The following GNAI1 variants were observed in gnomAD, a reference collection of about 807,000 sequenced individuals.
GNAI1 encodes guanine nucleotide-binding protein G(i) subunit alpha-1.
In GNAI1, 11 loss-of-function variants were observed where a neutral mutation model predicts 38.9. The ratio of observed to expected loss-of-function variants is 0.28; its 90% CI spans 0.18 to 0.47. The LOEUF is 0.47. Among genes scored for constraint, GNAI1 ranks in the 20% least tolerant of loss-of-function variants. The probability of loss-of-function intolerance (pLI) is 0.99; values close to 1 mark genes in which losing one functional copy is unlikely to be tolerated. For synonymous variants in GNAI1, 166 were observed against 145.1 expected (o/e 1.14, Z -1.04); for missense variants, 317 against 436.9 (o/e 0.73, Z 2.45).
intron 1 of GNAI1, among the ~76,000 whole-genome samples, chr7:80,144,173 A>C (rs998741496): frequency 1.3e-5 from 2 of 151,280 alleles, no homozygotes; most frequent in African/African-American, 2.4e-5. Context: ...TATAGCAGTA[A>C]TTTTCTCTTC....
chr7:80,200,480 T>C (rs1788666512), intron 4 of GNAI1, among the ~76,000 whole-genome samples: 1 of 152,100 alleles, frequency 6.6e-6, no homozygotes. Flanking sequence ...TGTTGTGCAT[T>C]TGTTTTACTT....
At chr7:80,214,540 G>C (rs954304625) in intron 7 of GNAI1, among the ~76,000 whole-genome samples, 6 of 152,156 alleles carry the variant, frequency 3.9e-5, no homozygotes, top group Admixed American at 3.9e-4. Flanking sequence ...TTTTGCTTAA[G>C]TTAATAAGAA....
intron 1 of GNAI1, chr7:80,187,209 T>TTGTG (rs369416678): frequency 0.055 from 5,083 of 92,634 alleles, 96 homozygotes; most frequent in East Asian, 0.12. Flanking sequence ...GTGTGTGTCT[T>TTGTG]TGTGTGTGTG....
chr7:80,135,192 C>T lies in GNAI1; in HGVS notation c.32C>T (p.Ala11Val), dbSNP rs1340678679. ...TGCACGCTGAGCGCCGAGGACAAGG[C>T]GGCGGTGGAGCGGAGTAAGATGATC... MGCTLSAEDK[A>V]AVERSKMIDR... Residue 11 changes from alanine (A) to valine (V), a missense_variant, in exon 1 of 8, where the codon GCG becomes GTG. Physicochemically the swap from Ala to Val is moderately conservative, Grantham distance 64 (BLOSUM62 0). This residue lies in a region of GNAI1 where 37 missense variants were observed against 26.2 expected (regional missense o/e 1.41). Coordinates refer to ENST00000649796, the MANE Select transcript of GNAI1 (RefSeq NM_002069.6). 6.4e-7 allele frequency: 1 copy of T among 1,552,250 alleles called. No homozygotes were observed. The highest frequency in any genetic ancestry group is 1.4e-5 in the African/African-American group (1 of 70,520).
chr7:80,144,310 A>C (rs1584004038), intron 1 of GNAI1, among the ~76,000 whole-genome samples: 1 of 151,646 alleles, frequency 6.6e-6, no homozygotes, highest in East Asian at 1.9e-4. Context: ...GCCATTTCTC[A>C]GAGGAGTTTG....
At chr7:80,147,796 C>T (rs547324953) in intron 1 of GNAI1, among the ~76,000 whole-genome samples, 32 of 152,270 alleles carry the variant, frequency 2.1e-4, no homozygotes, top group African/African-American at 7.5e-4. Context: ...TGTTCTATAG[C>T]TTCTACTTTC....
chr7:80,178,376 G>A (rs763920537), intron 1 of GNAI1, among the ~76,000 whole-genome samples: 11 of 152,022 alleles, frequency 7.2e-5, no homozygotes, highest in Admixed American at 2.0e-4. Context: ...GTTCTGCTGC[G>A]GGTAAAGTGT....
chr7:80,215,169 C>T (rs1023106437), intron 7 of GNAI1, among the ~76,000 whole-genome samples: 1 of 152,182 alleles, frequency 6.6e-6, no homozygotes, highest in Non-Finnish European at 1.5e-5. Flanking sequence ...AACAATCTAT[C>T]ATATTTGCTC....
chr7:80,196,831 C>A (rs1562839704), intron 3 of GNAI1, among the ~76,000 whole-genome samples: 1 of 151,720 alleles, frequency 6.6e-6, no homozygotes, highest in Non-Finnish European at 1.5e-5. Context: ...AGCTTTACAA[C>A]TTGATGTTAT....
chr7:80,146,483 A>T (rs545139754), intron 1 of GNAI1, among the ~76,000 whole-genome samples: 33 of 152,270 alleles, frequency 2.2e-4, no homozygotes, highest in African/African-American at 7.2e-4. Context: ...TTTTTTTCCC[A>T]CAATTATTCC....
intron 1 of GNAI1, among the ~76,000 whole-genome samples, chr7:80,153,065 C>T (rs763053820): frequency 3.0e-4 from 46 of 152,100 alleles, no homozygotes; most frequent in Admixed American, 1.4e-3. Flanking sequence ...TTTTTAACAT[C>T]ATTACTTTCC....
intron 7 of GNAI1, among the ~76,000 whole-genome samples, chr7:80,213,284 T>C (rs1476587675): frequency 6.6e-6 from 1 of 152,028 alleles, no homozygotes; most frequent in African/African-American, 2.4e-5. Context: ...AACATTATAG[T>C]AAGGGGAAAT....
intron 1 of GNAI1, among the ~76,000 whole-genome samples, chr7:80,181,163 A>G (rs1788287068): frequency 6.6e-6 from 1 of 152,020 alleles, no homozygotes; most frequent in African/African-American, 2.4e-5. Context: ...TTGCTGGTTT[A>G]TCTATAAGCA....
intron 5 of GNAI1, among the ~76,000 whole-genome samples, chr7:80,204,878 AGAC>A (rs1788746698): frequency 6.6e-6 from 1 of 152,186 alleles, no homozygotes; most frequent in South Asian, 2.1e-4. Context: ...GTATTTTCAT[AGAC>A]ATCTAAGACC....
At chr7:80,146,530 T>A (rs1465469807) in intron 1 of GNAI1, among the ~76,000 whole-genome samples, 1 of 152,220 alleles carries the variant, frequency 6.6e-6, no homozygotes, top group Admixed American at 6.5e-5. Context: ...GTGCTGACCT[T>A]ATTTTTTTAG....
intron 4 of GNAI1, among the ~76,000 whole-genome samples, chr7:80,202,075 T>G (rs1215490871): frequency 2.6e-5 from 4 of 152,100 alleles, no homozygotes; most frequent in East Asian, 1.9e-4. Context: ...TAGCAGTTTT[T>G]TTGTTGTTGT....
chr7:80,157,889 A>G (rs1013884141), intron 1 of GNAI1, among the ~76,000 whole-genome samples: 7 of 151,982 alleles, frequency 4.6e-5, no homozygotes, highest in African/African-American at 7.3e-5. Context: ...TTGTATTTTT[A>G]GTAGAGATGG....
At position 80,212,581 on chromosome 7, in the gene GNAI1, G is replaced by A. The variant is rs1788892925; in HGVS notation, c.721-135G>A. On this transcript the variant is annotated intron_variant, in intron 6 of 7. Transcript: ENST00000649796. ...CTAAAGTGAAAGTGTGTTCTGAAATGGCAGAAATGTATTTTTGTGATACGT... is the reference window on the plus strand; with the variant it reads ...CTAAAGTGAAAGTGTGTTCTGAAATAGCAGAAATGTATTTTTGTGATACGT... The A allele has an allele frequency of 1.3e-5, 7 of 543,588 alleles. No homozygotes were observed. In the East Asian group the frequency reaches 2.4e-4, roughly 18 times the overall value. 33.7% of individuals were successfully genotyped at this position (543,588 alleles called of 1,614,324 possible).
intron 1 of GNAI1, among the ~76,000 whole-genome samples, chr7:80,170,604 T>C (rs1042289139): frequency 6.6e-6 from 1 of 152,128 alleles, no homozygotes; most frequent in Non-Finnish European, 1.5e-5. Context: ...TCAGTTATGG[T>C]AGAACACGAA....
Sources: allele counts gnomAD v4.1 joint callset (sites outside exome capture counted in the v4.1 genomes callset), GRCh38; gene constraint gnomAD v4.1.1; regional missense constraint gnomAD v4.1.1; transcripts MANE v1.5; gene names NCBI Gene and HGNC (gene_info 2026-07-23, HGNC 2026-07-21).